Variants in ASXL2 observed in about 807,000 individuals in gnomAD.
The protein encoded by ASXL2 is putative Polycomb group protein ASXL2.
In ASXL2, 23 loss-of-function variants were observed where a neutral mutation model predicts 122.0. The observed-to-expected ratio is 0.19, with a 90% CI of 0.14 to 0.27. ASXL2 has a LOEUF of 0.27. Ranked by LOEUF, ASXL2 falls within the 10% of genes least tolerant of loss-of-function variation. ASXL2 has a pLI of 1.00. For synonymous variants in ASXL2, 650 were observed against 637.0 expected (o/e 1.02, Z -0.31); for missense variants, 1,518 against 1,713.8 (o/e 0.89, Z 2.02).
intron 8 of ASXL2, among the ~76,000 whole-genome samples, chr2:25,761,449 C>T (rs1482123943): frequency 1.3e-5 from 2 of 151,926 alleles, no homozygotes; most frequent in African/African-American, 4.8e-5. Context: ...CCGAGGCAGG[C>T]AGATCACAAG....
rs139200567 is a variant in ASXL2 at position 25,849,064 on chromosome 2, C to CATATATATATATATAT, written c.58-3502_58-3501insATATATATATATATAT. ...CCGTCTCAAAAAAAAAAAAAATTTA[C>CATATATATATATATAT]ATATATATATATGGAATATTTATTT... is the stretch of plus-strand genomic sequence containing the variant. On this transcript the variant is annotated intron_variant, in intron 1 of 12. Coordinates refer to ENST00000435504, the MANE Select transcript of ASXL2 (RefSeq NM_018263.6). 2.4e-3 allele frequency among the ~76,000 whole-genome samples: 207 copies of CATATATATATATATAT among 86,474 alleles called. 20 individuals carry two copies. The highest frequency in any genetic ancestry group is 0.01 in the South Asian group (31 of 3,060). 56.7% of individuals were successfully genotyped at this position (86,474 alleles called of 152,430 possible). A position where few individuals can be genotyped will look rare whatever the true frequency, so the allele number is the denominator to read the frequency against.
chr2:25,837,763 T>C (rs1250148251), intron 2 of ASXL2, among the ~76,000 whole-genome samples: 1 of 150,826 alleles, frequency 6.6e-6, no homozygotes. Context: ...GGTGGGAGAA[T>C]CACTTGAGGC....
At chr2:25,753,872 C>T (rs1357876884) in intron 10 of ASXL2, among the ~76,000 whole-genome samples, 1 of 152,172 alleles carries the variant, frequency 6.6e-6, no homozygotes, top group African/African-American at 2.4e-5. Flanking sequence ...CTGACAAAGC[C>T]TTTTCGCTGG....
chr2:25,809,295 T>TA (rs2089130964), intron 3 of ASXL2, among the ~76,000 whole-genome samples: 1 of 116,758 alleles, frequency 8.6e-6, no homozygotes, highest in African/African-American at 3.5e-5. Context: ...TCACTTCTAA[T>TA]GAAAAAAAAA....
At chr2:25,842,112 CAAAAAAAAAAGAA>C (rs1283599426) in intron 2 of ASXL2, among the ~76,000 whole-genome samples, 103 of 102,648 alleles carry the variant, frequency 1.0e-3, no homozygotes, top group African/African-American at 3.3e-3. Flanking sequence ...AACTCTGTCT[CAAAAAAAAAAGAA>C]AAAAAAAAAA....
chr2:25,864,761 A>G (rs1444226741), intron 1 of ASXL2, among the ~76,000 whole-genome samples: 1 of 152,088 alleles, frequency 6.6e-6, no homozygotes, highest in Non-Finnish European at 1.5e-5. Context: ...ATACTAAATT[A>G]TACTAGGTAT....
At position 25,743,608 on chromosome 2, in the gene ASXL2, G is replaced by A. The variant is rs1346715818; in HGVS notation, c.2729C>T (p.Pro910Leu). The stretch of plus-strand genomic sequence containing the variant: ...GCTCGAGGGTGGAGCTGATCCAGCA[G>A]GTGCTGTAGTTGCACTGACCTGGGG... ...PVPQVSATTA[P>L]AGSAPPSSTL... Residue 910 changes from proline (P) to leucine (L), a missense_variant, in exon 13 of 13, where the codon CCT becomes CTT. Pro to Leu is a moderately conservative substitution (Grantham distance 98, BLOSUM62 -3). This residue lies in a region of ASXL2 where 831 missense variants were observed against 833.1 expected (regional missense o/e 1.00). Coordinates refer to ENST00000435504, the MANE Select transcript of ASXL2 (RefSeq NM_018263.6). 1 of 1,613,906 alleles carries A rather than the reference G, an allele frequency of 6.2e-7. No individual in the cohort carries two copies. Among genetic ancestry groups the A allele is most frequent in the Non-Finnish European group, 8.5e-7 (1 of 1,179,888 alleles).
chr2:25,746,392 G>C lies in ASXL2; in HGVS notation c.1861-1916C>G, dbSNP rs76717579. On this transcript the variant is annotated intron_variant, in intron 12 of 12. Coordinates refer to ENST00000435504, the MANE Select transcript of ASXL2 (RefSeq NM_018263.6). ...TCTATTTCACATCCAATTCGAACAA[G>C]CCTAGATAGTATATTTACTCATCAC... Among the ~76,000 whole-genome samples the C allele has an allele frequency of 9.6e-3, 1,451 of 151,336 alleles. 25 individuals carry two copies. The highest frequency in any genetic ancestry group is 0.032 in the African/African-American group (1,336 of 41,222).
At chr2:25,766,655 T>C (rs1028986742) in intron 8 of ASXL2, among the ~76,000 whole-genome samples, 1 of 152,184 alleles carries the variant, frequency 6.6e-6, no homozygotes, top group Non-Finnish European at 1.5e-5. Flanking sequence ...GTAGTGGTGT[T>C]AGAAATATGC....
At position 25,802,749 on chromosome 2, in the gene ASXL2, T is replaced by C. The variant is rs1200986817; in HGVS notation, c.253-3214A>G. On this transcript the variant is annotated intron_variant, in intron 4 of 12. Transcript: ENST00000435504. ...GGAGGGAGGAGACTGAAGGTGGAGCTGATCACCAACGGCCAATAATTTAAT... is the reference window on the plus strand; with the variant it reads ...GGAGGGAGGAGACTGAAGGTGGAGCCGATCACCAACGGCCAATAATTTAAT... Among the ~76,000 whole-genome samples, 6 of 152,200 alleles carry C rather than the reference T, an allele frequency of 3.9e-5. No individual in the cohort carries two copies. In the East Asian group the frequency reaches 1.2e-3, roughly 29 times the overall value.
At chr2:25,849,786 G>A (rs2089695176) in intron 1 of ASXL2, among the ~76,000 whole-genome samples, 1 of 152,080 alleles carries the variant, frequency 6.6e-6, no homozygotes, top group Non-Finnish European at 1.5e-5. Flanking sequence ...CATTCCACCT[G>A]CCTCAGCCTC....
chr2:25,755,867 G>A, intron 10 of ASXL2, 151 bp downstream of exon 10: 2 of 644,888 alleles, frequency 3.1e-6, no homozygotes. Context: ...CTAGATAAAA[G>A]TTTAACAACG....
At chr2:25,817,943 G>A (rs960610656) in intron 3 of ASXL2, among the ~76,000 whole-genome samples, 3 of 152,178 alleles carry the variant, frequency 2.0e-5, no homozygotes, top group Admixed American at 2.0e-4. Flanking sequence ...TTTAGAATGA[G>A]TATATTTAGA....
intron 1 of ASXL2, among the ~76,000 whole-genome samples, chr2:25,851,706 C>T (rs1361431790): frequency 6.6e-6 from 1 of 152,138 alleles, no homozygotes; most frequent in Non-Finnish European, 1.5e-5. Flanking sequence ...GCCTGGCCAA[C>T]ATGACCAAAC....
At chr2:25,875,574 A>AAC (rs1559534990) in intron 1 of ASXL2, among the ~76,000 whole-genome samples, 1 of 152,074 alleles carries the variant, frequency 6.6e-6, no homozygotes, top group Non-Finnish European at 1.5e-5. Context: ...CTCCCACATA[A>AAC]ACACACACAC....
intron 9 of ASXL2, among the ~76,000 whole-genome samples, chr2:25,758,088 T>G (rs2088172569): frequency 6.6e-6 from 1 of 152,226 alleles, no homozygotes; most frequent in South Asian, 2.1e-4. Context: ...CCGGTTTTAC[T>G]TCTTTGTCCC....
chr2:25,877,284 T>C (rs2090017166), intron 1 of ASXL2, among the ~76,000 whole-genome samples: 1 of 152,190 alleles, frequency 6.6e-6, no homozygotes, highest in Admixed American at 6.6e-5. Context: ...AACTTCACTA[T>C]CTCCTGCCAT....
At chr2:25,748,532 G>C (rs2087980901) in intron 12 of ASXL2, among the ~76,000 whole-genome samples, 1 of 151,836 alleles carries the variant, frequency 6.6e-6, no homozygotes, top group African/African-American at 2.4e-5. Context: ...ATGAGAATGG[G>C]TCAAGTTCTG....
At chr2:25,748,307 T>C (rs2087976399) in intron 12 of ASXL2, among the ~76,000 whole-genome samples, 1 of 152,166 alleles carries the variant, frequency 6.6e-6, no homozygotes, top group Non-Finnish European at 1.5e-5. Flanking sequence ...GGGACCAGCC[T>C]GGCCAACATG....
Sources: gnomAD v4.1 joint callset for allele counts (sites outside exome capture counted in the v4.1 genomes callset) on GRCh38, gnomAD v4.1.1 for gene constraint, gnomAD v4.1.1 regional missense constraint, MANE v1.5 for transcripts, NCBI Gene and HGNC (gene_info 2026-07-23, HGNC 2026-07-21) for gene names.